The following ABLIM1 variants were observed in gnomAD, a reference collection of about 807,000 sequenced individuals.
ABLIM1 encodes actin binding LIM protein 1.
A neutral mutation model predicts 107.0 loss-of-function variants in ABLIM1; 40 were observed. The ratio of observed to expected loss-of-function variants is 0.37; its 90% CI spans 0.29 to 0.49. The LOEUF (loss-of-function observed/expected upper bound fraction) is 0.49. Among genes scored for constraint, ABLIM1 ranks in the 20% least tolerant of loss-of-function variants. The probability of loss-of-function intolerance (pLI) is 0.97; values close to 1 mark genes in which losing one functional copy is unlikely to be tolerated. For synonymous variants in ABLIM1, 357 were observed against 357.3 expected, an observed-to-expected ratio of 1.00 and a Z score of 0.01; for missense variants, 857 against 1,008.5, an observed-to-expected ratio of 0.85 and a Z score of 2.04.
At chr10:114,575,713 G>T in intron 2 of ABLIM1, 114 bp from the exon 3 acceptor site, 1 of 1,105,180 alleles carries the variant, frequency 9.0e-7, no homozygotes, top group Non-Finnish European at 1.3e-6. Context: ...TTTGGGGCTA[G>T]GGAGGGGATG....
intron 1 of ABLIM1, among the ~76,000 whole-genome samples, chr10:114,698,741 A>T (rs2081246589): frequency 6.6e-6 from 1 of 152,200 alleles, no homozygotes; most frequent in Non-Finnish European, 1.5e-5. Flanking sequence ...CTGTGAAGTC[A>T]GAAGAAAACA....
At chr10:114,748,567 A>C (rs2082435063) in intron 1 of ABLIM1, among the ~76,000 whole-genome samples, 1 of 129,300 alleles carries the variant, frequency 7.7e-6, no homozygotes, top group Non-Finnish European at 1.7e-5. Context: ...TCTCCCCTCC[A>C]TTTTGCCTGT....
intron 6 of ABLIM1, among the ~76,000 whole-genome samples, chr10:114,536,216 C>T (rs1475147506): frequency 3.9e-5 from 5 of 127,422 alleles, no homozygotes; most frequent in Admixed American, 3.2e-4. Flanking sequence ...TGTCTTTTTC[C>T]TTCTTTCTTT....
chr10:114,453,007 G>A (rs2062135052), intron 13 of ABLIM1, among the ~76,000 whole-genome samples: 1 of 152,198 alleles, frequency 6.6e-6, no homozygotes, highest in Admixed American at 6.5e-5. Flanking sequence ...TCAGTCTTTA[G>A]GATGAGAAGA....
intron 6 of ABLIM1, among the ~76,000 whole-genome samples, chr10:114,512,954 T>A (rs1269367344): frequency 1.3e-5 from 2 of 151,910 alleles, no homozygotes; most frequent in Admixed American, 1.3e-4. Context: ...GCAAGCCGAA[T>A]TTTGCTTTTA....
At chr10:114,622,651 T>C (rs1293304520) in intron 1 of ABLIM1, among the ~76,000 whole-genome samples, 1 of 152,150 alleles carries the variant, frequency 6.6e-6, no homozygotes, top group African/African-American at 2.4e-5. Context: ...ATAGACAGAA[T>C]GCAGTTGACT....
At chr10:114,461,717 G>T (rs1023448680) in intron 12 of ABLIM1, among the ~76,000 whole-genome samples, 2 of 152,080 alleles carry the variant, frequency 1.3e-5, no homozygotes, top group African/African-American at 2.4e-5. Flanking sequence ...TACTCAGGAG[G>T]CTGAGGCATA....
the ABLIM1 span, among the ~76,000 whole-genome samples, chr10:114,773,376 T>C: frequency 6.6e-6 from 1 of 152,280 alleles, no homozygotes; most frequent in South Asian, 2.1e-4. Context: ...AGGGAAAGGA[T>C]AAAAGCCATG....
upstream of ABLIM1, among the ~76,000 whole-genome samples, chr10:114,659,656 T>A (rs2079699257): frequency 6.6e-6 from 1 of 152,250 alleles, no homozygotes; most frequent in Admixed American, 6.5e-5. Context: ...CAGGTACATA[T>A]GCATACATGT....
intron 4 of ABLIM1, among the ~76,000 whole-genome samples, chr10:114,563,456 C>T (rs903540727): frequency 1.3e-5 from 2 of 152,194 alleles, no homozygotes; most frequent in Non-Finnish European, 2.9e-5. Context: ...CGCATGTAAA[C>T]AATTAAAATG....
At chr10:114,701,528 T>C (rs2081307577) in intron 1 of ABLIM1, among the ~76,000 whole-genome samples, 1 of 152,078 alleles carries the variant, frequency 6.6e-6, no homozygotes, top group African/African-American at 2.4e-5. Context: ...TGTCCATCAA[T>C]AGAATGGATA....
At chr10:114,459,844 C>A (rs2063507434) in intron 12 of ABLIM1, among the ~76,000 whole-genome samples, 1 of 152,100 alleles carries the variant, frequency 6.6e-6, no homozygotes, top group African/African-American at 2.4e-5. Context: ...TCATTTAAAT[C>A]CAGAACACCT....
At chr10:114,684,055 C>T (rs1343064617) in intron 1 of ABLIM1, among the ~76,000 whole-genome samples, 1 of 151,992 alleles carries the variant, frequency 6.6e-6, no homozygotes, top group Non-Finnish European at 1.5e-5. Context: ...AGAGTCATGT[C>T]GATTTTAACA....
the ABLIM1 span, chr10:114,778,502 T>C: frequency 1.3e-5 from 2 of 151,044 alleles, no homozygotes; most frequent in African/African-American, 4.9e-5. Context: ...GTCACTGTCT[T>C]TCCAAACCTG....
chr10:114,533,459 G>A (rs73357387), intron 6 of ABLIM1, among the ~76,000 whole-genome samples: 2,367 of 152,238 alleles, frequency 0.016, 78 homozygotes, highest in African/African-American at 0.055. Flanking sequence ...TAAAATCAAA[G>A]AAACAAGGTT....
At chr10:114,716,156 C>T (rs1417144591) in intron 1 of ABLIM1, among the ~76,000 whole-genome samples, 1 of 152,172 alleles carries the variant, frequency 6.6e-6, no homozygotes, top group African/African-American at 2.4e-5. Context: ...CAAGAGCTGA[C>T]ATTATATGTC....
intron 1 of ABLIM1, chr10:114,631,915 C>A (rs2078207069): frequency 7.7e-7 from 1 of 1,304,350 alleles, no homozygotes; most frequent in South Asian, 1.2e-5. Flanking sequence ...TTTCCTTCAC[C>A]ATGGCAACCG....
intron 1 of ABLIM1, among the ~76,000 whole-genome samples, chr10:114,744,392 G>C (rs930528757): frequency 6.6e-6 from 1 of 152,028 alleles, no homozygotes; most frequent in Non-Finnish European, 1.5e-5. Context: ...AGACTGATAC[G>C]ACCGGAAAAA....
At chr10:114,752,647 G>C (rs1466482602) in intron 1 of ABLIM1, among the ~76,000 whole-genome samples, 3 of 152,134 alleles carry the variant, frequency 2.0e-5, no homozygotes, top group African/African-American at 7.2e-5. Flanking sequence ...GTGTCTATGT[G>C]TTCTCATTGT....
Sources: gnomAD v4.1 joint callset for allele counts (sites outside exome capture counted in the v4.1 genomes callset) on GRCh38, gnomAD v4.1.1 for gene constraint, MANE v1.5 for transcripts, NCBI Gene and HGNC (gene_info 2026-07-23, HGNC 2026-07-21) for gene names.